ROBO2: variants seen among roughly 807,000 people sequenced by gnomAD.
ROBO2 encodes the protein roundabout guidance receptor 2, also known as roundabout homolog 2.
Under a neutral mutation model 160.8 loss-of-function variants are expected in ROBO2, and 53 were observed. The observed-to-expected ratio is 0.33, with a 90% CI of 0.26 to 0.41. The LOEUF is 0.41. Among genes scored for constraint, ROBO2 ranks in the 10% least tolerant of loss-of-function variants. ROBO2 has a pLI of 1.00. For missense variants in ROBO2, 1,577 were observed against 1,722.4 expected (o/e 0.92, Z 1.49); for synonymous variants, 664 against 611.7 (o/e 1.09, Z -1.26).
chr3:76,381,976 A>ATTGTT (rs760040081), intron 2 of ROBO2, among the ~76,000 whole-genome samples: 171 of 151,544 alleles, frequency 1.1e-3, no homozygotes, highest in East Asian at 5.5e-3. Context: ...TTTGTTTTCT[A>ATTGTT]TTGTTTTGTT....
chr3:77,238,967 G>A (rs116012736), intron 2 of ROBO2, among the ~76,000 whole-genome samples: 3,803 of 152,150 alleles, frequency 0.025, 102 homozygotes, highest in African/African-American at 0.055. Flanking sequence ...TTCCAGGACC[G>A]CCCACCTCCC....
chr3:76,531,633 T>TTG (rs1295778136), intron 2 of ROBO2, among the ~76,000 whole-genome samples: 1 of 150,494 alleles, frequency 6.6e-6, no homozygotes, highest in Non-Finnish European at 1.5e-5. Flanking sequence ...TTTTTTTTTT[T>TTG]TTTTGGTACC....
chr3:77,097,281 C>T (rs1225698655), intron 1 of ROBO2, among the ~76,000 whole-genome samples: 1 of 152,076 alleles, frequency 6.6e-6, no homozygotes. Context: ...TCATTCTTTA[C>T]GGCTCAATCT....
intron 2 of ROBO2, among the ~76,000 whole-genome samples, chr3:76,530,162 C>T (rs1225578131): frequency 6.6e-6 from 1 of 152,164 alleles, no homozygotes; most frequent in African/African-American, 2.4e-5. Flanking sequence ...TCACGACTAC[C>T]GCTTACCCAG....
chr3:76,192,532 AC>A (rs1702062422), intron 2 of ROBO2, among the ~76,000 whole-genome samples: 2 of 115,574 alleles, frequency 1.7e-5, no homozygotes, highest in African/African-American at 6.4e-5. Flanking sequence ...CACCACACAC[AC>A]ACACACACAC....
At chr3:77,456,950 T>C (rs2081712075) in intron 2 of ROBO2, among the ~76,000 whole-genome samples, 1 of 152,174 alleles carries the variant, frequency 6.6e-6, no homozygotes, top group Non-Finnish European at 1.5e-5. Flanking sequence ...CATTTACACA[T>C]CTTCTTTCTG....
At chr3:77,232,292 C>A (rs1443493980) in intron 2 of ROBO2, among the ~76,000 whole-genome samples, 1 of 151,936 alleles carries the variant, frequency 6.6e-6, no homozygotes, top group Non-Finnish European at 1.5e-5. Flanking sequence ...AGCTATTTAG[C>A]TGGAGTGGTC....
chr3:77,477,432 G>A (rs750121769), exon 3 of ROBO2: 11 of 1,613,548 alleles, frequency 6.8e-6, no homozygotes, highest in South Asian at 5.5e-5. Context: ...GATGACTTCC[G>A]ACAAAACCCC....
intron 2 of ROBO2, among the ~76,000 whole-genome samples, chr3:76,832,107 A>G (rs11716805): frequency 0.13 from 19,241 of 152,202 alleles, 1,373 homozygotes; most frequent in East Asian, 0.25. Context: ...AGATTAATTG[A>G]TAGTTTTGAC....
Position 77,058,611 on chromosome 3 carries a change from C to T in ROBO2, c.61+17765C>T, listed in dbSNP as rs952602557. ...ATAGTGGTGCAATCTTGGCTCACTG[C>T]GGCCTTGACTTCCTGGGCTCAGGTG... On this transcript the variant is annotated intron_variant, in intron 1 of 25. Transcript: ENST00000461745. 3.9e-5 allele frequency among the ~76,000 whole-genome samples: 6 copies of T among 152,170 alleles called. No homozygotes were observed. In the South Asian group the frequency reaches 6.2e-4, roughly 16 times the overall value.
intron 2 of ROBO2, among the ~76,000 whole-genome samples, chr3:76,439,536 C>T (rs969087742): frequency 5.9e-5 from 9 of 152,066 alleles, no homozygotes; most frequent in Non-Finnish European, 1.3e-4. Context: ...AAAAGCTAAA[C>T]GATCTCCAGG....
chr3:77,051,623 A>G (rs1034804088), intron 1 of ROBO2, among the ~76,000 whole-genome samples: 1 of 152,230 alleles, frequency 6.6e-6, no homozygotes. Flanking sequence ...TTAAGTTTTG[A>G]AGCAGCGGCT....
intron 2 of ROBO2, among the ~76,000 whole-genome samples, chr3:76,529,742 G>C (rs2082127191): frequency 6.6e-6 from 1 of 152,104 alleles, no homozygotes; most frequent in African/African-American, 2.4e-5. Flanking sequence ...CTAGAGTAAA[G>C]CATGTTGTCT....
At chr3:77,166,443 G>A (rs187294315) in intron 2 of ROBO2, among the ~76,000 whole-genome samples, 119 of 152,178 alleles carry the variant, frequency 7.8e-4, no homozygotes, top group Middle Eastern at 3.4e-3. Context: ...TTTAATTCGG[G>A]ATTATGCATT....
intron 2 of ROBO2, among the ~76,000 whole-genome samples, chr3:77,402,792 G>T (rs1390173409): frequency 6.6e-6 from 1 of 151,962 alleles, no homozygotes; most frequent in Admixed American, 6.6e-5. Context: ...TCAGAAGTAC[G>T]CCGGCACACG....
chr3:77,034,874 G>T (rs777724196), intron 2 of ROBO2, among the ~76,000 whole-genome samples: 22 of 151,894 alleles, frequency 1.4e-4, no homozygotes, highest in Non-Finnish European at 3.1e-4. Flanking sequence ...AAGAATCAAA[G>T]GGATTTTCTT....
chr3:75,940,842 C>A (rs1466450908), intron 2 of ROBO2, among the ~76,000 whole-genome samples: 1 of 151,958 alleles, frequency 6.6e-6, no homozygotes, highest in East Asian at 1.9e-4. Context: ...GGGGGTGTTT[C>A]CTGAGAAAGA....
intron 1 of ROBO2, among the ~76,000 whole-genome samples, chr3:77,051,439 C>A (rs1283362690): frequency 2.0e-5 from 3 of 152,098 alleles, no homozygotes; most frequent in South Asian, 2.1e-4. Context: ...TTTTAAGAAC[C>A]CTTTCCAGGC....
chr3:77,158,914 C>G (rs2078251836), intron 2 of ROBO2, among the ~76,000 whole-genome samples: 1 of 152,172 alleles, frequency 6.6e-6, no homozygotes, highest in African/African-American at 2.4e-5. Context: ...TTCTAAAATG[C>G]CACATTTTCA....
Sources: gnomAD v4.1 joint callset for allele counts (sites outside exome capture counted in the v4.1 genomes callset) on GRCh38, gnomAD v4.1.1 for gene constraint, MANE v1.5 for transcripts, NCBI Gene and HGNC (gene_info 2026-07-23, HGNC 2026-07-21) for gene names.